The following INAVA variants were observed in gnomAD, a reference collection of about 807,000 sequenced individuals.
INAVA encodes innate immunity activator.
Under a neutral mutation model 55.3 loss-of-function variants are expected in INAVA, and 32 were observed. The observed-to-expected ratio is 0.58, with a 90% confidence interval of 0.44 to 0.78. INAVA has a LOEUF of 0.78. Among genes scored for constraint, INAVA ranks in the 30% least tolerant of loss-of-function variants. The pLI is 0.00. For synonymous variants in INAVA, 294 were observed against 329.4 expected (o/e 0.89, Z 1.16); for missense variants, 756 against 786.4 (o/e 0.96, Z 0.46).
Position 200,900,131 on chromosome 1 carries a change from T to C in INAVA, c.208T>C (p.Tyr70His), listed in dbSNP as rs1653176049. The C allele has an allele frequency of 1.9e-5, 31 of 1,613,556 alleles. No homozygotes were observed. Among genetic ancestry groups the C allele is most frequent in the Non-Finnish European group, 2.6e-5 (31 of 1,179,780 alleles). The change falls in exon 4 of 10, where the codon TAT becomes CAT. Residue 70 changes from tyrosine (Y) to histidine (H), a missense_variant. By Grantham distance (83) the Tyr-to-His change is moderately conservative. Around this residue, in one of 2 missense-constraint regions of INAVA, gnomAD observed 639 missense variants for 624.3 expected, o/e 1.02. Transcript: ENST00000413687. ...GCTGACGGGCACCTTGCCAGCGGAGTATCCCCTCAAACCAGGGGAAAAGGC... is the reference window on the plus strand; with the variant it reads ...GCTGACGGGCACCTTGCCAGCGGAGCATCCCCTCAAACCAGGGGAAAAGGC... ...AELTGTLPAE[Y>H]PLKPGEKAPK...
At chr1:200,906,163 C>T (rs922716602) in intron 5 of INAVA, 1 of 152,234 alleles carries the variant, frequency 6.6e-6, no homozygotes, top group Non-Finnish European at 1.5e-5. Flanking sequence ...CATCTTCATT[C>T]TCAAACACAG....
At chr1:200,893,093 CA>C, upstream of INAVA, among the ~76,000 whole-genome samples, 1 of 152,288 alleles carries the variant, frequency 6.6e-6, no homozygotes, top group African/African-American at 2.4e-5. Context: ...ATTTTAACAT[CA>C]CCTTTAGTTA....
At chr1:200,907,714 T>C in intron 5 of INAVA, 120 bp from the exon 6 acceptor site, 1 of 707,990 alleles carries the variant, frequency 1.4e-6, no homozygotes, top group Admixed American at 2.7e-5. Flanking sequence ...GGGTATTTCC[T>C]CATAACTGAT....
Position 200,911,500 on chromosome 1 carries a change from T to C in INAVA, c.1007T>C (p.Phe336Ser). ...AGPEGRGRSA[F>S]PRRRPTHYTV... ...CCTGAGGGCCGAGGTCGCAGCGCCT[T>C]TCCCCGCCGCCGCCCCACTCACTAC... is the stretch of plus-strand genomic sequence containing the variant. Residue 336 changes from phenylalanine to serine, a missense_variant, in exon 9 of 10, where the codon TTT (phenylalanine) becomes TCT (serine). This residue lies in a region of INAVA where 639 missense variants were observed against 624.3 expected (regional missense o/e 1.02). Transcript: ENST00000413687. The C allele has an allele frequency of 6.2e-7, 1 of 1,613,578 alleles. No individual in the cohort carries two copies. Among genetic ancestry groups the C allele is most frequent in the Non-Finnish European group, 8.5e-7 (1 of 1,179,864 alleles).
At position 200,900,988 on chromosome 1, in the gene INAVA, G is replaced by C; in HGVS notation, c.349G>C (p.Glu117Gln). 1 of 1,555,418 alleles carries C rather than the reference G, an allele frequency of 6.4e-7. No homozygotes were observed. The highest frequency in any genetic ancestry group is 8.7e-7 in the Non-Finnish European group (1 of 1,149,258). ...RQLALQLQIT[E>Q]AARRLCLEEN... is the part of the protein sequence containing the mutation. ...GCTGGCCCTGCAGCTGCAGATCACA[G>C]AGGCAGCCCGTCGGCTGTGCCTGGA... is the stretch of plus-strand genomic sequence containing the variant. The change falls in exon 5 of 10, where the codon GAG becomes CAG. Residue 117 changes from glutamate to glutamine, a missense_variant. By Grantham distance (29) the Glu-to-Gln change is conservative. This residue lies in a region of INAVA where 639 missense variants were observed against 624.3 expected (regional missense o/e 1.02). Transcript: ENST00000413687.
In INAVA at chr1:200,901,149, C is replaced by A; in HGVS notation, c.510C>A (p.Pro170=). The change falls in exon 5 of 10, where the codon CCC becomes CCA. Residue 170 remains proline, a synonymous_variant. Transcript: ENST00000413687. ...NSEPPPAAAL[P]LGRELSASDD... is the part of the protein sequence containing the mutation. ...AGCCACCTCCGGCTGCTGCTCTCCCCCTGGGCCGAGGTGAGCCGGCTGCCC... is the reference window on the plus strand; with the variant it reads ...AGCCACCTCCGGCTGCTGCTCTCCCACTGGGCCGAGGTGAGCCGGCTGCCC... 1 of 1,515,710 alleles carries A rather than the reference C, an allele frequency of 6.6e-7. No individual in the cohort carries two copies. Among genetic ancestry groups the A allele is most frequent in the Non-Finnish European group, 8.8e-7 (1 of 1,133,958 alleles). The allele number at this position is 1,515,710 out of a possible 1,614,324, so 93.9% of individuals were successfully genotyped here.
At position 200,911,349 on chromosome 1, in the gene INAVA, T is replaced by C. The variant is rs1223784710; in HGVS notation, c.960-104T>C. 4 of 1,085,932 alleles carry C rather than the reference T, an allele frequency of 3.7e-6. No individual in the cohort carries two copies. The East Asian group carries it at 9.5e-5, about 26-fold the overall frequency. 67.3% of individuals were successfully genotyped at this position (1,085,932 alleles called of 1,614,324 possible). On this transcript the variant is annotated intron_variant, in intron 8 of 9. Coordinates refer to ENST00000413687, the MANE Select transcript of INAVA (RefSeq NM_001142569.3). ...CTTGCACGAGGGCCATGCTTGGGCC[T>C]TGAGGTAGAGCAGGACTCACCTGTT...
At chr1:200,907,256 T>C (rs1653531301) in intron 5 of INAVA, among the ~76,000 whole-genome samples, 1 of 152,134 alleles carries the variant, frequency 6.6e-6, no homozygotes, top group Non-Finnish European at 1.5e-5. Flanking sequence ...TCTAGAGCAT[T>C]GAAATGGTTT....
At chr1:200,909,832 T>C (rs1044447640) in intron 8 of INAVA, among the ~76,000 whole-genome samples, 1 of 152,216 alleles carries the variant, frequency 6.6e-6, no homozygotes, top group Non-Finnish European at 1.5e-5. Context: ...TGGGGAAATA[T>C]AGGGTTAGGT....
chr1:200,904,061 A>G (rs1017488206), intron 5 of INAVA, among the ~76,000 whole-genome samples: 1 of 151,664 alleles, frequency 6.6e-6, no homozygotes, highest in Non-Finnish European at 1.5e-5. Context: ...TTGATCAACA[A>G]CACCAGCCAT....
intron 5 of INAVA, among the ~76,000 whole-genome samples, chr1:200,904,969 C>T (rs1334640961): frequency 2.0e-5 from 3 of 152,202 alleles, no homozygotes; most frequent in African/African-American, 7.2e-5. Context: ...TGGTCTCAAA[C>T]TCCTGGTCTT....
chr1:200,898,354 GGTGTCCCCCC>G lies in INAVA; in HGVS notation c.-46_-37del, dbSNP rs1558227640. ...ACACAACCTGGCCCAGGCTGGTCAC[GGTGTCCCCCC>G]TCCCTGCTCTGTGCCCTCTCCTTCC... On this transcript the variant is annotated 5_prime_UTR_variant, in exon 2 of 10. Coordinates refer to ENST00000413687, the MANE Select transcript of INAVA (RefSeq NM_001142569.3). 1 of 1,614,072 alleles carries G rather than the reference GGTGTCCCCCC, an allele frequency of 6.2e-7. No individual in the cohort carries two copies. The highest frequency in any genetic ancestry group is 1.7e-5 in the Admixed American group (1 of 60,016).
intron 5 of INAVA, 33 bp downstream of exon 5, chr1:200,901,192 CTTAAAT>C (rs1254019207): frequency 1.6e-5 from 23 of 1,456,308 alleles, no homozygotes; most frequent in Non-Finnish European, 1.9e-5. Flanking sequence ...GGCCATGCTC[CTTAAAT>C]GAGCTTTTGA....
intron 1 of INAVA, 59 bp downstream of exon 1, chr1:200,895,146 G>A: frequency 2.0e-6 from 2 of 985,338 alleles, no homozygotes; most frequent in Non-Finnish European, 2.4e-6. Context: ...GCCTGGGAGT[G>A]GAGGAGCCCA....
At chr1:200,907,669 A>G (rs990993821) in intron 5 of INAVA, among the ~76,000 whole-genome samples, 165 bp from the exon 6 acceptor site, 3 of 151,824 alleles carry the variant, frequency 2.0e-5, no homozygotes, top group African/African-American at 4.8e-5. Context: ...TTAAAAAAAA[A>G]AAAAATCACT....
At chr1:200,908,648 G>T (rs1571870044) in intron 6 of INAVA, 82 bp from the exon 7 acceptor site, 2 of 1,208,440 alleles carry the variant, frequency 1.7e-6, no homozygotes, top group East Asian at 5.0e-5. Flanking sequence ...GAGCGGCGAG[G>T]CATGGGCTGT....
upstream of INAVA, among the ~76,000 whole-genome samples, chr1:200,892,065 G>T (rs150806492): frequency 4.6e-5 from 7 of 152,240 alleles, no homozygotes; most frequent in Non-Finnish European, 1.0e-4. Context: ...ATTTCAGGGC[G>T]CATTCCAAGC....
At chr1:200,910,951 A>G (rs1653687045) in intron 8 of INAVA, among the ~76,000 whole-genome samples, 1 of 152,194 alleles carries the variant, frequency 6.6e-6, no homozygotes, top group Non-Finnish European at 1.5e-5. Context: ...GGTACCTGGC[A>G]GTGCCTACCG....
At chr1:200,892,507 C>T (rs1487475834), upstream of INAVA, among the ~76,000 whole-genome samples, 1 of 152,178 alleles carries the variant, frequency 6.6e-6, no homozygotes, top group Non-Finnish European at 1.5e-5. Flanking sequence ...CTGAAGAGGT[C>T]CAGTTTCTCT....
Sources: gnomAD v4.1 joint callset for allele counts (sites outside exome capture counted in the v4.1 genomes callset) on GRCh38, gnomAD v4.1.1 for gene constraint, gnomAD v4.1.1 regional missense constraint, MANE v1.5 for transcripts, NCBI Gene and HGNC (gene_info 2026-07-23, HGNC 2026-07-21) for gene names.